CSMD1: variants seen among roughly 807,000 people sequenced by gnomAD.
The protein encoded by CSMD1 is CUB and sushi domain-containing protein 1.
In CSMD1, 213 loss-of-function variants were observed where a neutral mutation model predicts 417.5. The observed-to-expected ratio is 0.51, with a 90% CI of 0.46 to 0.57. CSMD1 has a LOEUF of 0.57. CSMD1 is among the 20% of genes least tolerant of loss of function. The pLI is 0.00. For missense variants in CSMD1, 6,923 were observed against 4,529.7 expected (o/e 1.53, Z -15.17); for synonymous variants, 2,862 against 1,736.8 (o/e 1.65, Z -16.11).
chr8:4,546,407 T>A (rs1162520917), intron 2 of CSMD1, among the ~76,000 whole-genome samples: 2 of 152,146 alleles, frequency 1.3e-5, no homozygotes, highest in Non-Finnish European at 2.9e-5. Flanking sequence ...CTAGAAGATA[T>A]TAGAGTTTGA....
intron 1 of CSMD1, among the ~76,000 whole-genome samples, chr8:4,643,678 C>T (rs971622984): frequency 2.0e-5 from 3 of 152,036 alleles, no homozygotes; most frequent in Non-Finnish European, 4.4e-5. Flanking sequence ...TGGAAGTTTC[C>T]CTGATCAGAT....
At chr8:4,123,401 A>G (rs543705305) in intron 3 of CSMD1, among the ~76,000 whole-genome samples, 2 of 152,324 alleles carry the variant, frequency 1.3e-5, no homozygotes, top group East Asian at 3.9e-4. Context: ...GGTGTGCCAC[A>G]TATTTCATTT....
chr8:4,201,850 T>C (rs905362852), intron 3 of CSMD1, among the ~76,000 whole-genome samples: 1 of 140,778 alleles, frequency 7.1e-6, no homozygotes, highest in African/African-American at 2.7e-5. Flanking sequence ...CTTAATTGTG[T>C]CTAATTAACA....
chr8:4,005,597 G>A (rs1042573982), intron 4 of CSMD1, among the ~76,000 whole-genome samples: 9 of 152,132 alleles, frequency 5.9e-5, no homozygotes, highest in Admixed American at 2.0e-4. Flanking sequence ...GGTATTATAA[G>A]GTTTGCAGTC....
At position 3,406,134 on chromosome 8, in the gene CSMD1, G is replaced by C; in HGVS notation, c.2159C>G (p.Ser720Cys). Residue 720 changes from serine to cysteine, a missense_variant, in exon 15 of 70, where the codon TCT becomes TGT. By Grantham distance (112) the Ser-to-Cys change is moderately radical. Coordinates refer to ENST00000635120, the MANE Select transcript of CSMD1 (RefSeq NM_033225.6). ...GACAAAGCCATCATCACAGTGGAAA[G>C]AAACCGAGCTCCCGAGTAGAAACCT... ...GDRFLLGSSV[S>C]FHCDDGFVKT... 6.2e-7 allele frequency: 1 copy of C among 1,613,846 alleles called. No individual in the cohort carries two copies. Among genetic ancestry groups the C allele is most frequent in the Non-Finnish European group, 8.5e-7 (1 of 1,179,848 alleles).
chr8:3,554,377 T>G (rs1159193639), intron 10 of CSMD1, among the ~76,000 whole-genome samples: 1 of 152,056 alleles, frequency 6.6e-6, no homozygotes, highest in Non-Finnish European at 1.5e-5. Flanking sequence ...TGAACCAATT[T>G]GGGATTGAGG....
chr8:4,311,528 G>C (rs191311263), intron 3 of CSMD1, among the ~76,000 whole-genome samples: 3 of 152,080 alleles, frequency 2.0e-5, no homozygotes, highest in South Asian at 2.1e-4. Flanking sequence ...TTCGAGACCA[G>C]CCTGACCAAT....
chr8:3,965,293 G>A (rs889277573), intron 5 of CSMD1, among the ~76,000 whole-genome samples: 8 of 152,166 alleles, frequency 5.3e-5, no homozygotes, highest in Non-Finnish European at 1.2e-4. Context: ...AGGTCTCTAA[G>A]CATGGGTTTC....
intron 1 of CSMD1, among the ~76,000 whole-genome samples, chr8:4,648,323 G>C (rs762125348): frequency 6.6e-6 from 1 of 152,026 alleles, no homozygotes; most frequent in African/African-American, 2.4e-5. Flanking sequence ...CCCCACCTGT[G>C]AGTCACTTAG....
rs555371141 is a variant in CSMD1 at position 3,399,089 on chromosome 8, A to G, written c.2405+302T>C. ...GGTTTCCATGTGCAATCAGACATCA[A>G]GCTGAATTGATTCCAGTGCAGGTCC... On this transcript the variant is annotated intron_variant, in intron 16 of 69. Transcript: ENST00000635120. Among the ~76,000 whole-genome samples, 10 of 152,246 alleles carry G rather than the reference A, an allele frequency of 6.6e-5. No individual in the cohort carries two copies. In the South Asian group the frequency reaches 1.7e-3, roughly 25 times the overall value.
chr8:4,449,313 A>C (rs1479647987), intron 2 of CSMD1, among the ~76,000 whole-genome samples: 1 of 152,196 alleles, frequency 6.6e-6, no homozygotes, highest in Non-Finnish European at 1.5e-5. Flanking sequence ...GAAAAGACTC[A>C]AATGAGCATC....
intron 3 of CSMD1, among the ~76,000 whole-genome samples, chr8:4,347,046 T>C (rs1800814279): frequency 6.6e-6 from 1 of 152,164 alleles, no homozygotes; most frequent in Non-Finnish European, 1.5e-5. Flanking sequence ...CCTCTAATTA[T>C]CTAGACCAGA....
At chr8:3,606,915 T>C (rs1203885559) in intron 8 of CSMD1, among the ~76,000 whole-genome samples, 1 of 152,028 alleles carries the variant, frequency 6.6e-6, no homozygotes, top group Non-Finnish European at 1.5e-5. Flanking sequence ...TTTCACCATG[T>C]TGGCCAGGAT....
At chr8:4,742,790 C>G (rs1196688679) in intron 1 of CSMD1, among the ~76,000 whole-genome samples, 1 of 151,826 alleles carries the variant, frequency 6.6e-6, no homozygotes, top group South Asian at 2.1e-4. Context: ...GCTAAAAGCC[C>G]AATTATATAA....
chr8:3,642,810 C>A (rs1797371853), intron 7 of CSMD1, among the ~76,000 whole-genome samples: 1 of 151,544 alleles, frequency 6.6e-6, no homozygotes, highest in Non-Finnish European at 1.5e-5. Flanking sequence ...CAGTAGAACC[C>A]CCAGAGATGA....
At chr8:3,082,548 A>AT (rs1370206868) in intron 49 of CSMD1, among the ~76,000 whole-genome samples, 1 of 152,214 alleles carries the variant, frequency 6.6e-6, no homozygotes, top group East Asian at 1.9e-4. Flanking sequence ...TAGCAGAGCC[A>AT]TAAGAGCTGG....
chr8:2,967,904 G>GA (rs1804110963), intron 57 of CSMD1, among the ~76,000 whole-genome samples: 1 of 152,072 alleles, frequency 6.6e-6, no homozygotes, highest in South Asian at 2.1e-4. Context: ...GATCTTGTTT[G>GA]AAAAAAATAA....
In CSMD1 at chr8:4,986,437, C is replaced by G. The variant is rs76836552; in HGVS notation, c.85+7895G>C. The stretch of plus-strand genomic sequence containing the variant: ...AAGTTTCTCTAAATAGAGGCATAGA[C>G]ATTCTTCAGTCATCTTGAAAATGAC... On this transcript the variant is annotated intron_variant, in intron 1 of 69. Transcript: ENST00000635120. Among the ~76,000 whole-genome samples, 12 of 152,286 alleles carry G rather than the reference C, an allele frequency of 7.9e-5. No individual in the cohort carries two copies. The East Asian group carries it at 1.4e-3, about 17-fold the overall frequency.
intron 2 of CSMD1, among the ~76,000 whole-genome samples, chr8:4,547,705 T>C (rs1039353316): frequency 6.6e-6 from 1 of 152,218 alleles, no homozygotes; most frequent in African/African-American, 2.4e-5. Flanking sequence ...AAAAGTCTCT[T>C]ATCTGGAGTA....
Sources: gnomAD v4.1 joint callset for allele counts (sites outside exome capture counted in the v4.1 genomes callset) on GRCh38, gnomAD v4.1.1 for gene constraint, MANE v1.5 for transcripts, NCBI Gene and HGNC (gene_info 2026-07-23, HGNC 2026-07-21) for gene names.